Variants in DTHD1 observed in about 807,000 individuals in gnomAD.
DTHD1 encodes the protein death domain containing 1.
DTHD1 carries 59 observed loss-of-function variants against 74.8 expected under a neutral mutation model. The observed-to-expected ratio is 0.79, with a 90% confidence interval of 0.64 to 0.98. The LOEUF (loss-of-function observed/expected upper bound fraction) is 0.98. Ranked by LOEUF, DTHD1 falls within the 50% of genes least tolerant of loss-of-function variation. The pLI is 0.00. For missense variants in DTHD1, 1,051 were observed against 1,065.4 expected, an observed-to-expected ratio of 0.99 and a Z score of 0.19; for synonymous variants, 365 against 371.1, an observed-to-expected ratio of 0.98 and a Z score of 0.19.
chr4:36,295,372 G>A (rs1756338115), intron 5 of DTHD1, among the ~76,000 whole-genome samples: 1 of 151,956 alleles, frequency 6.6e-6, no homozygotes, highest in African/African-American at 2.4e-5. Flanking sequence ...TTAGTCCAGA[G>A]GAATTACACT....
chr4:36,287,901 T>C (rs973130256), intron 2 of DTHD1, among the ~76,000 whole-genome samples: 2 of 152,236 alleles, frequency 1.3e-5, no homozygotes, highest in Non-Finnish European at 2.9e-5. Context: ...GTCGGATATA[T>C]AGATTGAGAA....
chr4:36,313,867 A>G (rs76868364), intron 7 of DTHD1, among the ~76,000 whole-genome samples: 5,231 of 152,272 alleles, frequency 0.034, 147 homozygotes, highest in South Asian at 0.13. Context: ...AAAGTAGTAA[A>G]AGTTTTCTTG....
chr4:36,335,130 AG>A (rs1758934022), intron 8 of DTHD1, among the ~76,000 whole-genome samples: 1 of 152,210 alleles, frequency 6.6e-6, no homozygotes, highest in African/African-American at 2.4e-5. Context: ...TTTATAAAAG[AG>A]GTAGAATTTG....
intron 9 of DTHD1, among the ~76,000 whole-genome samples, chr4:36,342,315 A>G (rs1166873116): frequency 6.6e-6 from 1 of 152,172 alleles, no homozygotes; most frequent in Non-Finnish European, 1.5e-5. Flanking sequence ...TTGTAAAATC[A>G]GGGTGCAATT....
At chr4:36,327,566 T>C (rs1465703694) in intron 8 of DTHD1, among the ~76,000 whole-genome samples, 1 of 152,242 alleles carries the variant, frequency 6.6e-6, no homozygotes, top group Non-Finnish European at 1.5e-5. Flanking sequence ...CAAAGTCTTA[T>C]GCATTTTAAC....
intron 5 of DTHD1, among the ~76,000 whole-genome samples, chr4:36,305,476 GA>G (rs1560797764): frequency 6.6e-6 from 1 of 152,034 alleles, no homozygotes; most frequent in Non-Finnish European, 1.5e-5. Context: ...AGTATGGGGG[GA>G]AACTGCCCCC....
At position 36,345,877 on chromosome 4, in the gene DTHD1, T is replaced by C. The variant is rs1487411944; in HGVS notation, c.*2053T>C. On this transcript the variant is annotated 3_prime_UTR_variant, in exon 10 of 10. Coordinates refer to ENST00000639862, the MANE Select transcript of DTHD1 (RefSeq NM_001170700.3). Reference sequence around the variant, plus strand: ...ATAGATGTATCTAAGGACACTCACATATGTGTTCACCTGCATGCACACATG... The same window carrying C: ...ATAGATGTATCTAAGGACACTCACACATGTGTTCACCTGCATGCACACATG... The C allele has an allele frequency of 6.6e-6, 1 of 152,496 alleles. No individual in the cohort carries two copies. Among genetic ancestry groups the C allele is most frequent in the Non-Finnish European group, 1.5e-5 (1 of 68,026 alleles). 9.4% of individuals were successfully genotyped at this position (152,496 alleles called of 1,614,324 possible).
chr4:36,335,151 T>C (rs1211879524), intron 8 of DTHD1, among the ~76,000 whole-genome samples: 2 of 152,210 alleles, frequency 1.3e-5, no homozygotes, highest in African/African-American at 4.8e-5. Flanking sequence ...GACCAGTTCC[T>C]TGAAAATATG....
chr4:36,327,733 A>T (rs1391872907), intron 8 of DTHD1, among the ~76,000 whole-genome samples: 3 of 152,234 alleles, frequency 2.0e-5, no homozygotes, highest in Admixed American at 2.0e-4. Context: ...AGATTTATCT[A>T]TTCCAGACTG....
chr4:36,299,869 T>C lies in DTHD1; in HGVS notation c.1643+4830T>C, dbSNP rs145033748. 6.1e-4 allele frequency among the ~76,000 whole-genome samples: 93 copies of C among 152,252 alleles called. 1 individual carries two copies. Among genetic ancestry groups the C allele is most frequent in the African/African-American group, 2.2e-3 (90 of 41,540 alleles). Reference sequence around the variant, plus strand: ...TTTCTTAAAGTTATATTTTCCCAGCTACTGGGGAGGCTGAGGTGGGAGCCC... The same window carrying C: ...TTTCTTAAAGTTATATTTTCCCAGCCACTGGGGAGGCTGAGGTGGGAGCCC... On this transcript the variant is annotated intron_variant, in intron 5 of 9. Transcript: ENST00000639862.
chr4:36,303,941 AT>A (rs1327961449), intron 5 of DTHD1, among the ~76,000 whole-genome samples: 5 of 152,060 alleles, frequency 3.3e-5, no homozygotes, highest in Admixed American at 2.6e-4. Flanking sequence ...AGTGACACAT[AT>A]TTTTTTTCAT....
chr4:36,334,281 C>T (rs1207520774), intron 8 of DTHD1, among the ~76,000 whole-genome samples: 3 of 151,918 alleles, frequency 2.0e-5, no homozygotes, highest in African/African-American at 7.3e-5. Context: ...GTGAGCTTCC[C>T]TTTTTTGCCC....
Position 36,284,539 on chromosome 4 carries a change from C to A in DTHD1, c.835C>A (p.Leu279Ile). The A allele has an allele frequency of 6.5e-7, 1 of 1,530,668 alleles. No individual in the cohort carries two copies. The highest frequency in any genetic ancestry group is 1.2e-5 in the South Asian group (1 of 82,242). The allele number at this position is 1,530,668 out of a possible 1,614,324, so 94.8% of individuals were successfully genotyped here. ...DISKKYINST[L>I]PNDSENIKHK... ...CTCCAAGAAATATATAAATAGTACT[C>A]TTCCCAATGATTCAGAGAATATAAA... The change falls in exon 2 of 10, where the codon CTT becomes ATT. Residue 279 changes from leucine to isoleucine, a missense_variant. By Grantham distance (5) the Leu-to-Ile change is conservative. Transcript: ENST00000639862.
chr4:36,310,111 C>T (rs1432951111), intron 7 of DTHD1, among the ~76,000 whole-genome samples: 2 of 152,064 alleles, frequency 1.3e-5, no homozygotes, highest in African/African-American at 2.4e-5. Flanking sequence ...TTGATGGGCA[C>T]GTAAGTTGAT....
intron 3 of DTHD1, among the ~76,000 whole-genome samples, chr4:36,291,785 A>T (rs538993016): frequency 3.7e-4 from 57 of 152,246 alleles, no homozygotes; most frequent in Non-Finnish European, 7.2e-4. Context: ...CCGAGATCGC[A>T]CCCCTGCACT....
intron 5 of DTHD1, among the ~76,000 whole-genome samples, chr4:36,303,614 GC>G (rs1169414210): frequency 6.6e-6 from 1 of 152,096 alleles, no homozygotes; most frequent in Non-Finnish European, 1.5e-5. Context: ...AAAAGAGGAA[GC>G]TTTTTCCCTA....
At chr4:36,334,700 C>G (rs551212856) in intron 8 of DTHD1, among the ~76,000 whole-genome samples, 1 of 152,136 alleles carries the variant, frequency 6.6e-6, no homozygotes, top group Admixed American at 6.5e-5. Flanking sequence ...CTAAACGCCT[C>G]GTGAGAGAGT....
chr4:36,336,925 C>T (rs1361222281), intron 8 of DTHD1, among the ~76,000 whole-genome samples: 1 of 152,112 alleles, frequency 6.6e-6, no homozygotes, highest in African/African-American at 2.4e-5. Context: ...AGAGAAGGGC[C>T]TTTGAAAGCA....
In DTHD1 at chr4:36,339,182, T is replaced by A; in HGVS notation, c.2398+13T>A. 6.5e-7 allele frequency: 1 copy of A among 1,534,714 alleles called. No homozygotes were observed. Among genetic ancestry groups the A allele is most frequent in the Non-Finnish European group, 8.8e-7 (1 of 1,132,682 alleles). On this transcript the variant is annotated intron_variant, in intron 9 of 9. Coordinates refer to ENST00000639862, the MANE Select transcript of DTHD1 (RefSeq NM_001170700.3). ...AAGGATCCTGTAGGTGAGGAATATT[T>A]GCTTTGTCATCATTATAGTGCTTCC...
Sources: allele counts gnomAD v4.1 joint callset (sites outside exome capture counted in the v4.1 genomes callset), GRCh38; gene constraint gnomAD v4.1.1; transcripts MANE v1.5; gene names NCBI Gene and HGNC (gene_info 2026-07-23, HGNC 2026-07-21).